Variants in A2ML1 observed in about 807,000 individuals in gnomAD.
A2ML1 encodes the protein alpha-2-macroglobulin like 1, also known as alpha-2-macroglobulin-like protein 1.
Under a neutral mutation model 181.9 loss-of-function variants are expected in A2ML1, and 161 were observed. The ratio of observed to expected loss-of-function variants is 0.89; its 90% CI spans 0.78 to 1.01. The LOEUF (loss-of-function observed/expected upper bound fraction) is 1.01. A2ML1 is among the 50% of genes least tolerant of loss of function. A2ML1 has a pLI of 0.00. For synonymous variants in A2ML1, 663 were observed against 666.8 expected, an observed-to-expected ratio of 0.99 and a Z score of 0.09; for missense variants, 1,670 against 1,768.1, an observed-to-expected ratio of 0.94 and a Z score of 1.00.
chr12:8,832,199 G>C (rs1943139349), intron 4 of A2ML1, among the ~76,000 whole-genome samples: 2 of 152,238 alleles, frequency 1.3e-5, no homozygotes, highest in South Asian at 2.1e-4. Context: ...AGAACTGGTT[G>C]AGCCAGATTA....
chr12:8,829,857 C>A, intron 4 of A2ML1, 78 bp downstream of exon 4: 1 of 1,586,204 alleles, frequency 6.3e-7, no homozygotes, highest in Non-Finnish European at 8.6e-7. Flanking sequence ...TGGAAGTCCT[C>A]TCAGCCTGGG....
rs145131056 is a variant in A2ML1 at position 8,849,036 on chromosome 12, A to G, written c.2028+122A>G. The G allele has an allele frequency of 4.5e-6, 5 of 1,121,368 alleles. No homozygotes were observed. In the African/African-American group the frequency reaches 7.8e-5, roughly 18 times the overall value. The allele number at this position is 1,121,368 out of a possible 1,614,324, so 69.5% of individuals were successfully genotyped here. ...GCACTGATGGGAACAAAATCTTGAA[A>G]GAAGCTTCTGACGTGTAAGGTCGCC... On this transcript the variant is annotated intron_variant, in intron 16 of 35. Coordinates refer to ENST00000299698, the MANE Select transcript of A2ML1 (RefSeq NM_144670.6).
chr12:8,853,876 A>AT (rs1258692539), intron 20 of A2ML1, among the ~76,000 whole-genome samples: 1 of 152,112 alleles, frequency 6.6e-6, no homozygotes, highest in Non-Finnish European at 1.5e-5. Context: ...CACTCAATGG[A>AT]TGTAAATATC....
chr12:8,846,008 T>G, intron 13 of A2ML1, 69 bp from the exon 14 acceptor site: 2 of 1,576,448 alleles, frequency 1.3e-6, no homozygotes, highest in Non-Finnish European at 1.7e-6. Flanking sequence ...GAAAAGTACA[T>G]ATGGTTAGAT....
In A2ML1 at chr12:8,827,356, A is replaced by T. The variant is rs530847102; in HGVS notation, c.410-2371A>T. 1.8e-3 allele frequency among the ~76,000 whole-genome samples: 280 copies of T among 152,248 alleles called. 2 individuals carry two copies. The highest frequency in any genetic ancestry group is 3.5e-3 in the Non-Finnish European group (236 of 68,022). On this transcript the variant is annotated intron_variant, in intron 3 of 35. Transcript: ENST00000299698. ...TGTCTCAAATAATAATAATATTGAT[A>T]TCTTTCTCTAGGTTTGGAAAGTTCT...
chr12:8,845,522 C>T lies in A2ML1; in HGVS notation c.1537+20C>T. 6 of 1,613,620 alleles carry T rather than the reference C, an allele frequency of 3.7e-6. No homozygotes were observed. The highest frequency in any genetic ancestry group is 5.1e-6 in the Non-Finnish European group (6 of 1,179,700). On this transcript the variant is annotated intron_variant, in intron 13 of 35. Transcript: ENST00000299698. ...AGAAAGGTGAGTGTACATGCTTTTCCCGGAAGCAAACAGGATATTTTTAAA... is the reference window on the plus strand; with the variant it reads ...AGAAAGGTGAGTGTACATGCTTTTCTCGGAAGCAAACAGGATATTTTTAAA...
intron 23 of A2ML1, among the ~76,000 whole-genome samples, chr12:8,856,315 G>C (rs994301141): frequency 1.3e-5 from 2 of 152,154 alleles, no homozygotes; most frequent in Non-Finnish European, 2.9e-5. Flanking sequence ...TTGTATTAGA[G>C]TTCACTGTCT....
At chr12:8,878,935 C>G (rs1301725219), downstream of A2ML1, among the ~76,000 whole-genome samples, 1 of 151,914 alleles carries the variant, frequency 6.6e-6, no homozygotes, top group Non-Finnish European at 1.5e-5. This position sits in a 1 kb window ranked among gnomAD's most constrained non-coding sequence, Gnocchi z 4.4. Flanking sequence ...TGCACTCCAA[C>G]CTGGGTGATA....
In A2ML1 at chr12:8,826,492, C is replaced by T. The variant is rs1375178320; in HGVS notation, c.409+2610C>T. ...ACAGAGTCTCCCTCTGTTGCCCAGGCTGTGGAGTGCAGTGGCGGGATCACT... is the reference window on the plus strand; with the variant it reads ...ACAGAGTCTCCCTCTGTTGCCCAGGTTGTGGAGTGCAGTGGCGGGATCACT... On this transcript the variant is annotated intron_variant, in intron 3 of 35. Coordinates refer to ENST00000299698, the MANE Select transcript of A2ML1 (RefSeq NM_144670.6). Among the ~76,000 whole-genome samples the T allele has an allele frequency of 3.3e-5, 5 of 152,136 alleles. No homozygotes were observed. In the East Asian group the frequency reaches 9.6e-4, roughly 29 times the overall value.
intron 13 of A2ML1, among the ~76,000 whole-genome samples, chr12:8,845,827 G>A (rs1943655296): frequency 6.8e-6 from 1 of 146,590 alleles, no homozygotes; most frequent in South Asian, 2.1e-4. Flanking sequence ...TCCAGCCTGG[G>A]CGACAGAGCG....
chr12:8,823,009 A>G lies in A2ML1; in HGVS notation c.63-173A>G, dbSNP rs7297690. On this transcript the variant is annotated intron_variant, in intron 1 of 35. Coordinates refer to ENST00000299698, the MANE Select transcript of A2ML1 (RefSeq NM_144670.6). ...AGGGCCTCCTGATGGCGGAAGTTGAAGACTGTGCACTGAGTCGTTGCCCCT... is the reference window on the plus strand; with the variant it reads ...AGGGCCTCCTGATGGCGGAAGTTGAGGACTGTGCACTGAGTCGTTGCCCCT... 0.28 allele frequency among the ~76,000 whole-genome samples: 41,830 copies of G among 152,002 alleles called. 6,201 individuals are homozygous for G. The highest frequency in any genetic ancestry group is 0.51 in the South Asian group (2,469 of 4,822).
chr12:8,841,490 T>C lies in A2ML1; in HGVS notation c.1202T>C (p.Phe401Ser). ...ACTGATAACAATGGCCTAGCTCCCT[T>C]TACCTTGGAGACATCCGGTTGGAAT... ...LVTDNNGLAP[F>S]TLETSGWNGT... The change falls in exon 11 of 36, where the codon TTT becomes TCT. Residue 401 changes from phenylalanine to serine, a missense_variant. Transcript: ENST00000299698. 6.2e-7 allele frequency: 1 copy of C among 1,614,136 alleles called. No homozygotes were observed. Among genetic ancestry groups the C allele is most frequent in the Non-Finnish European group, 8.5e-7 (1 of 1,180,018 alleles).
chr12:8,878,878 G>T (rs1445018339), downstream of A2ML1, among the ~76,000 whole-genome samples: 2 of 152,156 alleles, frequency 1.3e-5, no homozygotes, highest in Admixed American at 6.5e-5. The surrounding 1 kb of genome is among the most constrained non-coding windows in gnomAD (Gnocchi z 4.4). Flanking sequence ...TGGGAGAATC[G>T]CTTGAACCCA....
intron 29 of A2ML1, among the ~76,000 whole-genome samples, chr12:8,865,868 T>A (rs1487604138): frequency 6.6e-6 from 1 of 152,218 alleles, no homozygotes; most frequent in African/African-American, 2.4e-5. Flanking sequence ...TTGATGAGGC[T>A]ACAGAAATAA....
intron 35 of A2ML1, 145 bp from the exon 36 acceptor site, chr12:8,875,913 G>A (rs1333727927): frequency 6.6e-6 from 1 of 152,188 alleles, no homozygotes; most frequent in East Asian, 1.9e-4. Flanking sequence ...TTCTACACCT[G>A]TGAGATAACA....
intron 10 of A2ML1, among the ~76,000 whole-genome samples, chr12:8,840,615 A>C (rs768547574): frequency 2.0e-5 from 3 of 152,064 alleles, no homozygotes; most frequent in Non-Finnish European, 4.4e-5. Context: ...TTTAAGAAAA[A>C]GAAAGCAAAA....
chr12:8,857,246 G>A lies in A2ML1; in HGVS notation c.2931G>A (p.Leu977=), dbSNP rs1325812439. 3 of 1,613,536 alleles carry A rather than the reference G, an allele frequency of 1.9e-6. No individual in the cohort carries two copies. Among genetic ancestry groups the A allele is most frequent in the South Asian group, 1.1e-5 (1 of 91,052 alleles). ...PSGCGEQNMV[L]FAPIIYVLQY... ...GCTGTGGCGAGCAGAACATGGTCTT[G>A]TTTGCTCCCATCATCTATGTCTTGC... is the stretch of plus-strand genomic sequence containing the variant. The change falls in exon 24 of 36, where the codon TTG becomes TTA. Residue 977 remains leucine, a synonymous_variant. Transcript: ENST00000299698.
chr12:8,862,489 T>C (rs1255678323), intron 28 of A2ML1, among the ~76,000 whole-genome samples: 1 of 152,146 alleles, frequency 6.6e-6, no homozygotes, highest in African/African-American at 2.4e-5. Context: ...GCGTGAGCCA[T>C]TGCACCTGGC....
At chr12:8,868,141 C>T in intron 30 of A2ML1, 84 bp downstream of exon 30, 2 of 1,608,692 alleles carry the variant, frequency 1.2e-6, no homozygotes, top group Non-Finnish European at 1.7e-6. Context: ...CTCTCTCTTT[C>T]TTTCTCACTT....
Sources: allele counts gnomAD v4.1 joint callset (sites outside exome capture counted in the v4.1 genomes callset), GRCh38; gene constraint gnomAD v4.1.1; non-coding constraint Gnocchi (gnomAD v3.1); transcripts MANE v1.5; gene names NCBI Gene and HGNC (gene_info 2026-07-23, HGNC 2026-07-21).